Variants in DIS3L2 observed in about 807,000 individuals in gnomAD.
DIS3L2 encodes DIS3 like 3'-5' exoribonuclease 2.
In DIS3L2, 34 loss-of-function variants were observed where a neutral mutation model predicts 97.5. The ratio of observed to expected loss-of-function variants is 0.35; its 90% confidence interval spans 0.27 to 0.46. DIS3L2 has a LOEUF of 0.46. DIS3L2 is among the 20% of genes least tolerant of loss of function. DIS3L2 has a pLI of 1.00. For synonymous variants in DIS3L2, 435 were observed against 445.2 expected, an observed-to-expected ratio of 0.98 and a Z score of 0.29; for missense variants, 1,038 against 1,146.0, an observed-to-expected ratio of 0.91 and a Z score of 1.36.
chr2:232,112,199 T>G (rs1053549453), intron 6 of DIS3L2, among the ~76,000 whole-genome samples: 1 of 152,202 alleles, frequency 6.6e-6, no homozygotes, highest in Non-Finnish European at 1.5e-5. Flanking sequence ...AACCTCTAGT[T>G]CCACTCTGCT....
intron 1 of DIS3L2, among the ~76,000 whole-genome samples, chr2:231,971,294 GTC>G (rs1015273830): frequency 9.3e-5 from 14 of 150,830 alleles, no homozygotes; most frequent in Non-Finnish European, 1.6e-4. Flanking sequence ...TTGAGACAGA[GTC>G]TCAGTCTTTC....
At chr2:232,079,599 C>CAAAAAAAAAAA (rs760870721) in intron 5 of DIS3L2, among the ~76,000 whole-genome samples, 1 of 29,630 alleles carries the variant, frequency 3.4e-5, no homozygotes, top group Non-Finnish European at 5.7e-5. Flanking sequence ...GACTCTATCT[C>CAAAAAAAAAAA]AAAAAAAAAA....
chr2:232,100,384 C>T (rs1697162083), intron 6 of DIS3L2, among the ~76,000 whole-genome samples: 1 of 151,770 alleles, frequency 6.6e-6, no homozygotes, highest in Non-Finnish European at 1.5e-5. Flanking sequence ...GATATTTGCC[C>T]TTAACTTTTT....
intron 5 of DIS3L2, among the ~76,000 whole-genome samples, chr2:232,049,825 G>C (rs2167980): frequency 0.11 from 16,670 of 152,096 alleles, 1,116 homozygotes; most frequent in African/African-American, 0.19. Flanking sequence ...GACACTTTGC[G>C]TTGGGCACAG....
intron 1 of DIS3L2, among the ~76,000 whole-genome samples, chr2:232,012,818 G>A (rs894593052): frequency 1.3e-5 from 2 of 152,140 alleles, no homozygotes; most frequent in Non-Finnish European, 2.9e-5. Flanking sequence ...AATGTTGCTT[G>A]TTCGTTCCTT....
chr2:232,135,868 A>AG (rs1438913068), intron 7 of DIS3L2, among the ~76,000 whole-genome samples: 1 of 152,020 alleles, frequency 6.6e-6, no homozygotes. Context: ...GAATGTGTTG[A>AG]GGAGGGGGTG....
chr2:232,158,241 C>T (rs187795655), intron 8 of DIS3L2, among the ~76,000 whole-genome samples: 14 of 152,178 alleles, frequency 9.2e-5, no homozygotes, highest in South Asian at 2.1e-4. Context: ...TGACTCATGA[C>T]AATGGAGGGT....
At chr2:232,233,095 G>A (rs1424274849) in intron 10 of DIS3L2, among the ~76,000 whole-genome samples, 2 of 152,204 alleles carry the variant, frequency 1.3e-5, no homozygotes, top group African/African-American at 4.8e-5. Context: ...GAGGTTATTA[G>A]TGACCTGGAC....
At position 232,300,139 on chromosome 2, in the gene DIS3L2, A is replaced by G. The variant is rs1419931565; in HGVS notation, c.1739+20A>G. 6.2e-7 allele frequency: 1 copy of G among 1,610,944 alleles called. No individual in the cohort carries two copies. The highest frequency in any genetic ancestry group is 8.5e-7 in the Non-Finnish European group (1 of 1,177,400). On this transcript the variant is annotated intron_variant, in intron 14 of 20. Transcript: ENST00000325385. Reference sequence around the variant, plus strand: ...CAACAAGTAAGCCACTCAGTGGGAAAGAGTGTCACTTCACATGTGTGCAGC... The same window carrying G: ...CAACAAGTAAGCCACTCAGTGGGAAGGAGTGTCACTTCACATGTGTGCAGC...
chr2:232,153,817 C>G (rs1050492280), intron 8 of DIS3L2, among the ~76,000 whole-genome samples: 1 of 152,100 alleles, frequency 6.6e-6, no homozygotes, highest in Admixed American at 6.5e-5. Context: ...GTTCCATTCT[C>G]CCCATCACTT....
At chr2:232,309,482 A>T (rs932549375) in intron 14 of DIS3L2, among the ~76,000 whole-genome samples, 1 of 152,052 alleles carries the variant, frequency 6.6e-6, no homozygotes, top group East Asian at 1.9e-4. Context: ...CTGGGTAGGG[A>T]GAGTCTCAGG....
intron 5 of DIS3L2, among the ~76,000 whole-genome samples, chr2:232,036,155 C>G (rs563574363): frequency 1.3e-5 from 2 of 152,236 alleles, no homozygotes; most frequent in Admixed American, 1.3e-4. Context: ...TCAGGTACAT[C>G]AATCAAACGT....
At chr2:232,053,280 TTTA>T (rs1338979830) in intron 5 of DIS3L2, among the ~76,000 whole-genome samples, 1 of 152,222 alleles carries the variant, frequency 6.6e-6, no homozygotes, top group African/African-American at 2.4e-5. Context: ...TGGTGTCAGT[TTTA>T]TTATTATGTT....
In DIS3L2 at chr2:232,037,582, C is replaced by T. The variant is rs143774102; in HGVS notation, c.366+7502C>T. Among the ~76,000 whole-genome samples, 99 of 152,006 alleles carry T rather than the reference C, an allele frequency of 6.5e-4. No homozygotes were observed. Among genetic ancestry groups the T allele is most frequent in the African/African-American group, 2.0e-3 (85 of 41,478 alleles). ...TGGTATACCAGGAGTCACTGGGGTA[C>T]GAAAAAAAACTCCTGCAGCTAGCTC... On this transcript the variant is annotated intron_variant, in intron 5 of 20. Coordinates refer to ENST00000325385, the MANE Select transcript of DIS3L2 (RefSeq NM_152383.5). The surrounding 1 kb of genome is among the most constrained non-coding windows in gnomAD (Gnocchi z 4.6).
chr2:232,343,499 A>C, exon 14 of DIS3L2: 2 of 1,557,280 alleles, frequency 1.3e-6, no homozygotes, highest in Admixed American at 1.9e-5. Flanking sequence ...TTCCTTCAGC[A>C]ACAGAGCCGT....
intron 1 of DIS3L2, among the ~76,000 whole-genome samples, chr2:231,976,003 C>A (rs535853047): frequency 6.6e-6 from 1 of 152,246 alleles, no homozygotes; most frequent in East Asian, 1.9e-4. Flanking sequence ...CATACACACA[C>A]ACACACCCCT....
intron 6 of DIS3L2, among the ~76,000 whole-genome samples, chr2:232,125,421 C>T (rs1698035599): frequency 6.6e-6 from 1 of 152,216 alleles, no homozygotes; most frequent in Non-Finnish European, 1.5e-5. Context: ...TGGCTCTTTT[C>T]ATAGTGCCCA....
chr2:231,993,979 G>A (rs1693657606), intron 1 of DIS3L2, among the ~76,000 whole-genome samples: 1 of 150,852 alleles, frequency 6.6e-6, no homozygotes, highest in African/African-American at 2.4e-5. Context: ...TTTCTCTTAT[G>A]TTCTCCTCTA....
At chr2:232,205,341 T>G (rs992409435) in intron 9 of DIS3L2, among the ~76,000 whole-genome samples, 4 of 151,780 alleles carry the variant, frequency 2.6e-5, no homozygotes, top group African/African-American at 9.7e-5. Flanking sequence ...TTGCAACTTC[T>G]GCCTCCCAGA....
Sources: allele counts gnomAD v4.1 joint callset (sites outside exome capture counted in the v4.1 genomes callset), GRCh38; gene constraint gnomAD v4.1.1; non-coding constraint Gnocchi (gnomAD v3.1); transcripts MANE v1.5; gene names NCBI Gene and HGNC (gene_info 2026-07-23, HGNC 2026-07-21).